ANKRD11: variants seen among roughly 807,000 people sequenced by gnomAD.
The protein encoded by ANKRD11 is ankyrin repeat domain-containing protein 11.
Under a neutral mutation model 195.7 loss-of-function variants are expected in ANKRD11, and 17 were observed. That is an observed-to-expected ratio of 0.09 (90% CI 0.06 to 0.13). The LOEUF (loss-of-function observed/expected upper bound fraction) is 0.13, where lower values mean the gene tolerates loss of function less well. ANKRD11 is among the 10% of genes least tolerant of loss of function. The pLI is 1.00. For missense variants in ANKRD11, 3,735 were observed against 3,566.1 expected (o/e 1.05, Z -1.21); for synonymous variants, 1,953 against 1,528.1 (o/e 1.28, Z -6.49).
At chr16:89,269,517 AAT>A (rs1472541949) in intron 12 of ANKRD11, among the ~76,000 whole-genome samples, 3 of 152,174 alleles carry the variant, frequency 2.0e-5, no homozygotes, top group African/African-American at 7.2e-5. Context: ...GGAATCATAT[AAT>A]ACCCTTTGGA....
intron 12 of ANKRD11, among the ~76,000 whole-genome samples, 166 bp from the exon 13 acceptor site, chr16:89,268,829 TGG>T (rs1293927896): frequency 6.6e-6 from 1 of 152,206 alleles, no homozygotes; most frequent in East Asian, 1.9e-4. Context: ...TTACTACACG[TGG>T]CGGTAGCGCC....
At chr16:89,339,495 G>T (rs1411201551) in intron 2 of ANKRD11, among the ~76,000 whole-genome samples, 2 of 152,222 alleles carry the variant, frequency 1.3e-5, no homozygotes, top group South Asian at 4.1e-4. Context: ...CATGTGAAGA[G>T]TCAGATATAA....
At chr16:89,481,670 G>A (rs895782461) in intron 1 of ANKRD11, among the ~76,000 whole-genome samples, 2 of 152,164 alleles carry the variant, frequency 1.3e-5, no homozygotes, top group African/African-American at 4.8e-5. Flanking sequence ...GTAAGCAAAT[G>A]AAATTCAGGT....
chr16:89,334,058 A>T (rs984790367), intron 2 of ANKRD11, among the ~76,000 whole-genome samples: 1 of 151,288 alleles, frequency 6.6e-6, no homozygotes, highest in African/African-American at 2.4e-5. Context: ...AAGCCTGTAA[A>T]ACAAGCACTT....
At chr16:89,357,500 C>T (rs1411310151) in intron 2 of ANKRD11, among the ~76,000 whole-genome samples, 2 of 152,178 alleles carry the variant, frequency 1.3e-5, no homozygotes, top group Admixed American at 6.5e-5. Flanking sequence ...AGCATATGAT[C>T]CAGCAGTTCC....
intron 2 of ANKRD11, among the ~76,000 whole-genome samples, chr16:89,365,116 T>A (rs2039890493): frequency 6.6e-6 from 1 of 152,210 alleles, no homozygotes; most frequent in African/African-American, 2.4e-5. Flanking sequence ...CTCCTTCCCT[T>A]ATGACAGACC....
intron 1 of ANKRD11, among the ~76,000 whole-genome samples, chr16:89,431,845 A>G (rs565305014): frequency 1.1e-4 from 16 of 152,244 alleles, no homozygotes; most frequent in Admixed American, 9.8e-4. Context: ...GGCTGTGCAC[A>G]TACAGAGCCC....
intron 1 of ANKRD11, among the ~76,000 whole-genome samples, chr16:89,452,673 C>G (rs2044134096): frequency 6.7e-6 from 1 of 148,222 alleles, no homozygotes. Flanking sequence ...GCTCAGGAGG[C>G]TGAGGCAGGA....
At chr16:89,302,024 C>T (rs556243426) in intron 4 of ANKRD11, among the ~76,000 whole-genome samples, 23 of 152,314 alleles carry the variant, frequency 1.5e-4, no homozygotes, top group African/African-American at 5.5e-4. Context: ...TCCAGAGAGG[C>T]CTGACTGCTG....
At chr16:89,461,197 A>T (rs1183954912) in intron 1 of ANKRD11, among the ~76,000 whole-genome samples, 2 of 105,738 alleles carry the variant, frequency 1.9e-5, no homozygotes, top group Non-Finnish European at 3.7e-5. Flanking sequence ...CCCCCCCCTT[A>T]TAGGAGAGGT....
intron 2 of ANKRD11, among the ~76,000 whole-genome samples, chr16:89,413,365 C>T (rs2911259): frequency 0.51 from 77,450 of 151,930 alleles, 20,277 homozygotes; most frequent in Middle Eastern, 0.72. Context: ...GTGGCTCACG[C>T]CTGTAATCCC....
At chr16:89,335,686 A>T (rs2038316129) in intron 2 of ANKRD11, among the ~76,000 whole-genome samples, 1 of 152,214 alleles carries the variant, frequency 6.6e-6, no homozygotes, top group African/African-American at 2.4e-5. Flanking sequence ...AGCCCTCAGG[A>T]CACAGCACAT....
rs1567870979 is a variant in ANKRD11 at position 89,485,899 on chromosome 16, CTTAGT to C, written c.-145+4341_-145+4345del. On this transcript the variant is annotated intron_variant, in intron 1 of 12. Coordinates refer to ENST00000301030, the MANE Select transcript of ANKRD11 (RefSeq NM_013275.6). ...TCATAAGCAGCAGCAGCAAACCACACTTAGTCCAGACTGATTTCAACCCATCCTTT... is the reference window on the plus strand; with the variant it reads ...TCATAAGCAGCAGCAGCAAACCACACCCAGACTGATTTCAACCCATCCTTT... Among the ~76,000 whole-genome samples the C allele has an allele frequency of 2.6e-5, 4 of 152,300 alleles. No individual in the cohort carries two copies. In the East Asian group the frequency reaches 7.7e-4, roughly 29 times the overall value.
At chr16:89,411,329 G>A (rs1731343491) in intron 2 of ANKRD11, among the ~76,000 whole-genome samples, 1 of 152,252 alleles carries the variant, frequency 6.6e-6, no homozygotes, top group African/African-American at 2.4e-5. Context: ...GCACACAGCG[G>A]TGGGAAACCT....
At chr16:89,406,659 A>C (rs1176790029) in intron 2 of ANKRD11, among the ~76,000 whole-genome samples, 1 of 152,194 alleles carries the variant, frequency 6.6e-6, no homozygotes, top group Non-Finnish European at 1.5e-5. Flanking sequence ...TTAGTTAACC[A>C]GGACTGTGAT....
rs2034538420 is a variant in ANKRD11 at position 89,284,916 on chromosome 16, G to A, written c.1626C>T (p.His542=). The stretch of plus-strand genomic sequence containing the variant: ...AATTGTCTGTCCGCCAGTGCTTGGT[G>A]TGCTGGTCTGTGTGGCTGGGGTTCT... The part of the protein sequence containing the change: ...QKQNPSHTDQ[H]TKHWRTDNWK... The change falls in exon 9 of 13, where the codon CAC becomes CAT. Residue 542 remains histidine (H), a synonymous_variant. Transcript: ENST00000301030. 6.2e-7 allele frequency: 1 copy of A among 1,614,088 alleles called. No individual in the cohort carries two copies. Among genetic ancestry groups the A allele is most frequent in the Non-Finnish European group, 8.5e-7 (1 of 1,180,044 alleles).
chr16:89,354,682 G>C (rs1006950784), intron 2 of ANKRD11, among the ~76,000 whole-genome samples: 4 of 152,192 alleles, frequency 2.6e-5, no homozygotes, highest in Non-Finnish European at 4.4e-5. Context: ...AGGAGTTCAA[G>C]ACCAGCCTGG....
At chr16:89,312,642 T>TG (rs5818707) in intron 3 of ANKRD11, among the ~76,000 whole-genome samples, 128,995 of 152,240 alleles carry the variant, frequency 0.85, 55,069 homozygotes, top group Middle Eastern at 0.93. Flanking sequence ...CGAGCCCATG[T>TG]GGGCCCACAG....
rs186947934 is a variant in ANKRD11, at chr16:89,268,751, G to A, written c.7807-88C>T. On this transcript the variant is annotated intron_variant, in intron 12 of 12. Transcript: ENST00000301030. The stretch of plus-strand genomic sequence containing the variant: ...GACCTCAGCTGCCAGCAGGGCCAAG[G>A]GCGTGATACGGCCGTGAACCTACCC... The A allele has an allele frequency of 6.1e-4, 896 of 1,462,176 alleles. 5 individuals carry two copies. The African/African-American group carries it at 0.011, about 18-fold the overall frequency. The allele number at this position is 1,462,176 out of a possible 1,614,324, so 90.6% of individuals were successfully genotyped here. A position where few individuals can be genotyped will look rare whatever the true frequency, so the allele number is the denominator to read the frequency against.
Sources: allele counts gnomAD v4.1 joint callset (sites outside exome capture counted in the v4.1 genomes callset), GRCh38; gene constraint gnomAD v4.1.1; transcripts MANE v1.5; gene names NCBI Gene and HGNC (gene_info 2026-07-23, HGNC 2026-07-21).